TENM2: variants seen among roughly 807,000 people sequenced by gnomAD.
TENM2 encodes the protein teneurin transmembrane protein 2.
TENM2 carries 52 observed loss-of-function variants against 245.2 expected under a neutral mutation model. That is an observed-to-expected ratio of 0.21 (90% CI 0.17 to 0.27). The LOEUF is 0.27. Among genes scored for constraint, TENM2 ranks in the 10% least tolerant of loss-of-function variants. The pLI, the probability that TENM2 is intolerant of heterozygous loss-of-function variation, is 1.00. For synonymous variants in TENM2, 1,363 were observed against 1,438.9 expected, an observed-to-expected ratio of 0.95 and a Z score of 1.19; for missense variants, 3,046 against 3,666.8, an observed-to-expected ratio of 0.83 and a Z score of 4.37.
At chr5:168,249,744 A>G (rs554755562) in intron 27 of TENM2, among the ~76,000 whole-genome samples, 14 of 152,064 alleles carry the variant, frequency 9.2e-5, no homozygotes, top group Admixed American at 2.6e-4. Flanking sequence ...CTGTGGTCCA[A>G]ACTACCCAGG....
intron 1 of TENM2, among the ~76,000 whole-genome samples, chr5:167,304,711 A>G (rs1402027209): frequency 6.6e-6 from 1 of 152,074 alleles, no homozygotes; most frequent in Admixed American, 6.6e-5. Context: ...TTTTGGATTT[A>G]CATGACAGTT....
At chr5:168,092,756 C>T (rs1300915188) in intron 8 of TENM2, among the ~76,000 whole-genome samples, 3 of 152,226 alleles carry the variant, frequency 2.0e-5, no homozygotes, top group Admixed American at 6.5e-5. Context: ...CTTTGTGTCA[C>T]TCTGTGTTTG....
intron 13 of TENM2, among the ~76,000 whole-genome samples, chr5:168,166,407 A>G (rs1758309725): frequency 6.6e-6 from 1 of 152,260 alleles, no homozygotes; most frequent in Non-Finnish European, 1.5e-5. Context: ...TGAGATAGAT[A>G]TAGATACAAA....
intron 12 of TENM2, 95 bp from the exon 15 acceptor site, chr5:168,162,516 C>G: frequency 7.2e-7 from 1 of 1,383,392 alleles, no homozygotes. Flanking sequence ...GGCCCAGCGG[C>G]TGCCCTGCGG....
rs192670320 is a variant in TENM2, at chr5:168,080,174, G to A, written c.1516-10400G>A. On this transcript the variant is annotated intron_variant, in intron 7 of 28. Transcript: ENST00000518659. ...TTAGTCTTGGGAGGGTGTGTGTGTC[G>A]AGGAATTTATCCATTTCTTCTAGAT... Among the ~76,000 whole-genome samples, 121 of 152,172 alleles carry A rather than the reference G, an allele frequency of 8.0e-4. No individual in the cohort carries two copies. The Middle Eastern group carries it at 0.01, about 13-fold the overall frequency.
chr5:167,132,894 C>T, the TENM2 span, among the ~76,000 whole-genome samples: 1 of 152,230 alleles, frequency 6.6e-6, no homozygotes, highest in Non-Finnish European at 1.5e-5. Context: ...GATGTTCACT[C>T]CTCTCTGCCT....
intron 9 of TENM2, among the ~76,000 whole-genome samples, chr5:168,101,958 T>C (rs1190101442): frequency 1.3e-5 from 2 of 152,260 alleles, no homozygotes; most frequent in Non-Finnish European, 2.9e-5. Flanking sequence ...GTACCACCTT[T>C]ATTATTTCTG....
intron 1 of TENM2, among the ~76,000 whole-genome samples, chr5:167,291,899 A>G (rs1754659547): frequency 6.6e-6 from 1 of 152,170 alleles, no homozygotes; most frequent in Non-Finnish European, 1.5e-5. Flanking sequence ...GACATACCTG[A>G]GACTGGGTAA....
At chr5:167,456,419 C>G (rs1251349702) in intron 2 of TENM2, among the ~76,000 whole-genome samples, 1 of 144,072 alleles carries the variant, frequency 6.9e-6, no homozygotes, top group Non-Finnish European at 1.6e-5. Context: ...ACCTCTAATT[C>G]TTTTCCAAGC....
At chr5:168,021,940 T>C (rs746406748) in intron 5 of TENM2, among the ~76,000 whole-genome samples, 7 of 152,344 alleles carry the variant, frequency 4.6e-5, no homozygotes, top group Admixed American at 3.3e-4. Flanking sequence ...GTTCATCTTC[T>C]CATCTAATTG....
intron 3 of TENM2, among the ~76,000 whole-genome samples, chr5:167,933,547 T>A (rs543580962): frequency 2.8e-4 from 42 of 152,292 alleles, no homozygotes; most frequent in African/African-American, 9.1e-4. Flanking sequence ...TAGCTTCCAA[T>A]TTGGAATTAT....
chr5:167,269,000 C>T, the TENM2 span, among the ~76,000 whole-genome samples: 2 of 151,842 alleles, frequency 1.3e-5, no homozygotes, highest in African/African-American at 2.4e-5. Flanking sequence ...CTCCTACACT[C>T]TGAGTATTAT....
At chr5:167,424,164 A>G (rs955085442) in intron 2 of TENM2, among the ~76,000 whole-genome samples, 5 of 137,918 alleles carry the variant, frequency 3.6e-5, no homozygotes, top group African/African-American at 1.3e-4. Context: ...TTGACCTAAC[A>G]TGCCCCACCT....
At chr5:168,262,916 CT>C in exon 29 of TENM2, 2 of 1,075,470 alleles carry the variant, frequency 1.9e-6, no homozygotes, top group Non-Finnish European at 2.6e-6. Flanking sequence ...GGCTGGGCTG[CT>C]TTAGGAGACC....
At chr5:166,995,197 A>C in the TENM2 span, among the ~76,000 whole-genome samples, 1 of 152,028 alleles carries the variant, frequency 6.6e-6, no homozygotes, top group South Asian at 2.1e-4. Context: ...AAAATGTACC[A>C]TGTGATTATA....
At chr5:167,446,811 A>ACG (rs1209980129) in intron 2 of TENM2, among the ~76,000 whole-genome samples, 4 of 151,630 alleles carry the variant, frequency 2.6e-5, no homozygotes, top group Non-Finnish European at 5.9e-5. Context: ...ACACACACAC[A>ACG]CACACACACA....
At chr5:167,193,635 AAGTTCAT>A in the TENM2 span, among the ~76,000 whole-genome samples, 2 of 151,536 alleles carry the variant, frequency 1.3e-5, no homozygotes, top group Admixed American at 6.6e-5. Flanking sequence ...TTTAAATTTG[AAGTTCAT>A]ACTATCACTT....
chr5:167,919,967 G>T (rs1433720259), intron 3 of TENM2, among the ~76,000 whole-genome samples: 2 of 152,166 alleles, frequency 1.3e-5, no homozygotes, highest in Non-Finnish European at 2.9e-5. Flanking sequence ...GGCAAGTGTG[G>T]TAGAAGTAAG....
chr5:167,371,852 G>A (rs1213282503), intron 1 of TENM2, among the ~76,000 whole-genome samples: 1 of 152,096 alleles, frequency 6.6e-6, no homozygotes, highest in Non-Finnish European at 1.5e-5. Context: ...TTAATAACTG[G>A]ATAGACCCAT....
Sources: allele counts gnomAD v4.1 joint callset (sites outside exome capture counted in the v4.1 genomes callset), GRCh38; gene constraint gnomAD v4.1.1; transcripts MANE v1.5; gene names NCBI Gene and HGNC (gene_info 2026-07-23, HGNC 2026-07-21).